The following RHBG variants were observed in gnomAD, a reference collection of about 807,000 sequenced individuals.
RHBG encodes ammonium transporter Rh type B.
In RHBG, 39 loss-of-function variants were observed where a neutral mutation model predicts 40.1. The observed-to-expected ratio is 0.97, with a 90% CI of 0.75 to 1.27. The LOEUF (loss-of-function observed/expected upper bound fraction) is 1.27, where lower values mean the gene tolerates loss of function less well. RHBG is among the 50% of genes most tolerant of loss of function. The pLI is 0.00. For missense variants in RHBG, 549 were observed against 588.1 expected (o/e 0.93, Z 0.69); for synonymous variants, 237 against 252.5 (o/e 0.94, Z 0.58).
Position 156,377,174 on chromosome 1 carries a change from T to G in RHBG, c.188-127T>G. The G allele has an allele frequency of 2.8e-6, 3 of 1,083,742 alleles. No individual in the cohort carries two copies. Among genetic ancestry groups the G allele is most frequent in the South Asian group, 1.5e-5 (1 of 66,018 alleles). 67.1% of individuals were successfully genotyped at this position (1,083,742 alleles called of 1,614,324 possible). A position where few individuals can be genotyped will look rare whatever the true frequency, so the allele number is the denominator to read the frequency against. On this transcript the variant is annotated intron_variant, in intron 1 of 9. Transcript: ENST00000537040. The surrounding 1 kb of genome is among the most constrained non-coding windows in gnomAD (Gnocchi z 4.6). ...GGGAGCCCCTGACATGCCTGGGGAG[T>G]TTTATAGGCTCGGCTCAAGGCAGCC...
chr1:156,382,961 A>G (rs1232416155), intron 8 of RHBG, 92 bp downstream of exon 8: 7 of 1,559,092 alleles, frequency 4.5e-6, no homozygotes, highest in Non-Finnish European at 6.1e-6. Flanking sequence ...TGGAGCATCT[A>G]CTTTGTGCCA....
rs1227384217 is a variant in RHBG at position 156,369,422 on chromosome 1, A to T, written c.173A>T (p.Tyr58Phe). 26 of 1,612,294 alleles carry T rather than the reference A, an allele frequency of 1.6e-5. No homozygotes were observed. Among genetic ancestry groups the T allele is most frequent in the Non-Finnish European group, 2.1e-5 (25 of 1,179,196 alleles). ...CACAGTAACGCGGACAATGAATTTT[A>T]CTTTCGCTACCCAAGTGAGTGCGGG... ...SNHSNADNEF[Y>F]FRYPSFQDVH... is the part of the protein sequence containing the mutation. The change falls in exon 1 of 10, where the codon TAC becomes TTC. Residue 58 changes from tyrosine (Y) to phenylalanine (F), a missense_variant. Physicochemically the swap from Tyr to Phe is conservative, Grantham distance 22. Around this residue, in one of 3 missense-constraint regions of RHBG, gnomAD observed 99 missense variants for 85.2 expected, o/e 1.16. Coordinates refer to ENST00000537040, the MANE Select transcript of RHBG (RefSeq NM_020407.5).
In RHBG at chr1:156,378,027, A is replaced by G. The variant is rs762327368; in HGVS notation, c.412A>G (p.Ile138Val). 10 of 1,570,072 alleles carry G rather than the reference A, an allele frequency of 6.4e-6. No individual in the cohort carries two copies. The highest frequency in any genetic ancestry group is 1.7e-4 in the Middle Eastern group (1 of 5,858). Reference protein sequence around the residue: ...NADFCAGAVLISFGAVLGKTG... With the variant: ...NADFCAGAVLVSFGAVLGKTG... Reference sequence around the variant, plus strand: ...TGACTTTTGTGCGGGGGCCGTGCTCATCTCCTTTGGTGCCGTCCTGGGCAA... The same window carrying G: ...TGACTTTTGTGCGGGGGCCGTGCTCGTCTCCTTTGGTGCCGTCCTGGGCAA... The change falls in exon 3 of 10, where the codon ATC (isoleucine) becomes GTC (valine). Residue 138 changes from isoleucine to valine, a missense_variant. This residue lies in a region of RHBG where 399 missense variants were observed against 417.0 expected (regional missense o/e 0.96). Coordinates refer to ENST00000537040, the MANE Select transcript of RHBG (RefSeq NM_020407.5).
intron 1 of RHBG, among the ~76,000 whole-genome samples, chr1:156,376,933 T>C (rs1218823606): frequency 6.6e-6 from 1 of 152,206 alleles, no homozygotes; most frequent in Non-Finnish European, 1.5e-5. Context: ...AGAGGAAATG[T>C]TGAAGTCTGT....
chr1:156,370,107 G>T (rs1219233565), intron 1 of RHBG, among the ~76,000 whole-genome samples: 1 of 152,096 alleles, frequency 6.6e-6, no homozygotes, highest in Non-Finnish European at 1.5e-5. Flanking sequence ...GAGGTCAGGA[G>T]TTCAAGGCCA....
At chr1:156,384,651 G>A (rs772659996) in intron 9 of RHBG, 51 bp downstream of exon 9, 24 of 1,538,970 alleles carry the variant, frequency 1.6e-5, no homozygotes, top group Middle Eastern at 3.5e-4. Context: ...TCCCTGCCTC[G>A]CCTCCTGTGG....
intron 1 of RHBG, among the ~76,000 whole-genome samples, chr1:156,372,518 G>A (rs1666923876): frequency 6.6e-6 from 1 of 152,212 alleles, no homozygotes; most frequent in Non-Finnish European, 1.5e-5. Flanking sequence ...GAGGGATTTA[G>A]GATAGATGGA....
At position 156,377,869 on chromosome 1, in the gene RHBG, C is replaced by A; in HGVS notation, c.375-121C>A. 9.2e-7 allele frequency: 1 copy of A among 1,084,276 alleles called. No individual in the cohort carries two copies. Among genetic ancestry groups the A allele is most frequent in the Non-Finnish European group, 1.3e-6 (1 of 766,092 alleles). 67.2% of individuals were successfully genotyped at this position (1,084,276 alleles called of 1,614,324 possible). A position where few individuals can be genotyped will look rare whatever the true frequency, so the allele number is the denominator to read the frequency against. Reference sequence around the variant, plus strand: ...GAGGAGCTTGAGCTCCTTGTCTTCTCTCCAGAACTCCAACCCCACCCCACC... The same window carrying A: ...GAGGAGCTTGAGCTCCTTGTCTTCTATCCAGAACTCCAACCCCACCCCACC... On this transcript the variant is annotated intron_variant, in intron 2 of 9. Transcript: ENST00000537040. The surrounding 1 kb of genome is among the most constrained non-coding windows in gnomAD (Gnocchi z 4.6).
At position 156,381,447 on chromosome 1, in the gene RHBG, G is replaced by A; in HGVS notation, c.774G>A (p.Leu258=). 3.1e-6 allele frequency: 5 copies of A among 1,614,052 alleles called. No homozygotes were observed. The highest frequency in any genetic ancestry group is 4.2e-6 in the Non-Finnish European group (5 of 1,179,982). The change falls in exon 5 of 10, where the codon CTG becomes CTA. Residue 258 remains leucine (L), a synonymous_variant. Coordinates refer to ENST00000537040, the MANE Select transcript of RHBG (RefSeq NM_020407.5). ...CGGCCCTCAACACATACTACTCCCT[G>A]GCTGCCAGCACCCTTGGCACCTTTG... ...HRTALNTYYS[L]AASTLGTFAL...
chr1:156,372,039 G>A (rs1258577588), intron 1 of RHBG, among the ~76,000 whole-genome samples: 2 of 152,182 alleles, frequency 1.3e-5, no homozygotes, highest in South Asian at 4.1e-4. Context: ...GTCCTCACCT[G>A]TCCTTGTGCC....
chr1:156,369,399 C>T lies in RHBG; in HGVS notation c.150C>T (p.His50=). The T allele has an allele frequency of 6.2e-7, 1 of 1,613,946 alleles. No individual in the cohort carries two copies. The highest frequency in any genetic ancestry group is 1.1e-5 in the South Asian group (1 of 91,064). The change falls in exon 1 of 10, where the codon CAC becomes CAT. Residue 50 remains histidine, a synonymous_variant. Coordinates refer to ENST00000537040, the MANE Select transcript of RHBG (RefSeq NM_020407.5). ...CTGCCCTCTGGCACCGGAGCAACCACAGTAACGCGGACAATGAATTTTACT... is the reference window on the plus strand; with the variant it reads ...CTGCCCTCTGGCACCGGAGCAACCATAGTAACGCGGACAATGAATTTTACT... ...TDAALWHRSN[H]SNADNEFYFR...
In RHBG at chr1:156,384,563, C is replaced by CG. The variant is rs71591938; in HGVS notation, c.1271_1272insG (p.Asp425ArgfsTer18). The CG allele has an allele frequency of 1.5e-5, 24 of 1,600,502 alleles. No individual in the cohort carries two copies. The highest frequency in any genetic ancestry group is 8.5e-5 in the Admixed American group (5 of 58,670). On this transcript the variant is annotated frameshift_variant, in exon 9 of 10. Transcript: ENST00000537040. LOFTEE classifies it high-confidence loss of function. ...AAGCTACCCTTTCTGGACTCCCCCC[C>CG]AGACTCCCAGCACTACGAGGACCAA...
chr1:156,384,194 G>A (rs893541490), intron 8 of RHBG, among the ~76,000 whole-genome samples: 1 of 152,174 alleles, frequency 6.6e-6, no homozygotes, highest in Non-Finnish European at 1.5e-5. Flanking sequence ...AGCAGCTGTG[G>A]TTCATGATGG....
Position 156,385,161 on chromosome 1 carries a change from C to A in RHBG, c.*316C>A. 3.4e-6 allele frequency: 1 copy of A among 296,344 alleles called. No individual in the cohort carries two copies. The highest frequency in any genetic ancestry group is 6.4e-6 in the Non-Finnish European group (1 of 155,172). 18.4% of individuals were successfully genotyped at this position (296,344 alleles called of 1,614,324 possible). A position where few individuals can be genotyped will look rare whatever the true frequency, so the allele number is the denominator to read the frequency against. ...AGTGATCCACTGGCCCCACGTCACA[C>A]AGTTACAGTGAAGCCCAAGCCAGGC... On this transcript the variant is annotated 3_prime_UTR_variant, in exon 10 of 10. Transcript: ENST00000537040.
intron 8 of RHBG, among the ~76,000 whole-genome samples, chr1:156,384,171 C>T (rs1667877488): frequency 6.6e-6 from 1 of 152,170 alleles, no homozygotes; most frequent in Non-Finnish European, 1.5e-5. Context: ...GTGTGGGAGG[C>T]CATAGAAAGC....
At chr1:156,382,958 T>G (rs1037069336) in intron 8 of RHBG, 89 bp downstream of exon 8, 2 of 1,569,180 alleles carry the variant, frequency 1.3e-6, no homozygotes, top group African/African-American at 2.7e-5. Flanking sequence ...TTATGGAGCA[T>G]CTACTTTGTG....
At chr1:156,376,492 C>T (rs1296094570) in intron 1 of RHBG, among the ~76,000 whole-genome samples, 1 of 151,910 alleles carries the variant, frequency 6.6e-6, no homozygotes, top group African/African-American at 2.4e-5. Context: ...ACCTCCCAAG[C>T]AGCTGGCATT....
intron 8 of RHBG, among the ~76,000 whole-genome samples, chr1:156,383,908 A>G (rs1667857986): frequency 7.2e-6 from 1 of 138,396 alleles, no homozygotes; most frequent in African/African-American, 2.7e-5. Context: ...ATCTCAGCTC[A>G]CTTCAACCTC....
chr1:156,372,908 C>T (rs996224249), intron 1 of RHBG, among the ~76,000 whole-genome samples: 1 of 152,178 alleles, frequency 6.6e-6, no homozygotes, highest in Non-Finnish European at 1.5e-5. Flanking sequence ...TCTCCTGCCT[C>T]AGCCTCCCAA....
Sources: allele counts gnomAD v4.1 joint callset (sites outside exome capture counted in the v4.1 genomes callset), GRCh38; gene constraint gnomAD v4.1.1; regional missense constraint gnomAD v4.1.1; non-coding constraint Gnocchi (gnomAD v3.1); transcripts MANE v1.5; gene names NCBI Gene and HGNC (gene_info 2026-07-23, HGNC 2026-07-21).